CATSPERT: variants seen among roughly 807,000 people sequenced by gnomAD.
The protein encoded by CATSPERT is cation channel sperm-associated targeting subunit tau.
chr2:201,507,634 C>G, the CATSPERT span, among the ~76,000 whole-genome samples: 1 of 152,126 alleles, frequency 6.6e-6, no homozygotes, highest in Non-Finnish European at 1.5e-5. Context: ...AATACTGAAA[C>G]AGCTCATGTA....
At chr2:201,582,247 C>G in the CATSPERT span, 22 of 1,562,752 alleles carry the variant, frequency 1.4e-5, no homozygotes, top group Non-Finnish European at 1.9e-5. Flanking sequence ...AGAAAAGAAG[C>G]ATTAAATTTG....
chr2:201,617,625 T>G, the CATSPERT span, among the ~76,000 whole-genome samples: 1 of 152,144 alleles, frequency 6.6e-6, no homozygotes, highest in Non-Finnish European at 1.5e-5. Flanking sequence ...ACCTAGCCAA[T>G]ACCATTCAGG....
chr2:201,506,016 C>T, the CATSPERT span, among the ~76,000 whole-genome samples: 3 of 152,124 alleles, frequency 2.0e-5, no homozygotes, highest in South Asian at 2.1e-4. Context: ...ACCTGTAATC[C>T]GAGCACTTTG....
At chr2:201,513,765 A>G in the CATSPERT span, among the ~76,000 whole-genome samples, 1 of 152,220 alleles carries the variant, frequency 6.6e-6, no homozygotes. Context: ...AAATGAAATC[A>G]TGTCCTTTGC....
the CATSPERT span, among the ~76,000 whole-genome samples, chr2:201,552,054 G>A: frequency 3.3e-5 from 5 of 151,078 alleles, no homozygotes; most frequent in East Asian, 1.9e-4. Context: ...GCAGTGGTGC[G>A]ATCTCGGCCC....
At chr2:201,545,616 A>G in the CATSPERT span, 1 of 751,042 alleles carries the variant, frequency 1.3e-6, no homozygotes, top group Non-Finnish European at 1.9e-6. Flanking sequence ...CATCTATATT[A>G]GTTTCCTAGA....
chr2:201,528,265 A>C, the CATSPERT span, among the ~76,000 whole-genome samples: 1 of 152,162 alleles, frequency 6.6e-6, no homozygotes, highest in Non-Finnish European at 1.5e-5. Flanking sequence ...AAAACAATAG[A>C]TGCTGGTGAG....
chr2:201,524,569 C>T, the CATSPERT span, among the ~76,000 whole-genome samples: 23 of 152,252 alleles, frequency 1.5e-4, no homozygotes, highest in Non-Finnish European at 2.8e-4. Flanking sequence ...ACAATCAAGT[C>T]TACACAACAA....
the CATSPERT span, chr2:201,574,241 A>T: frequency 6.2e-7 from 1 of 1,606,006 alleles, no homozygotes; most frequent in Non-Finnish European, 8.5e-7. Context: ...AAGTTTCCAT[A>T]GGAGAACATA....
the CATSPERT span, among the ~76,000 whole-genome samples, chr2:201,501,710 G>T: frequency 6.6e-6 from 1 of 151,928 alleles, no homozygotes; most frequent in African/African-American, 2.4e-5. Context: ...ATGGAAGTGG[G>T]ATATTATTAC....
At chr2:201,492,439 G>A in the CATSPERT span, 1 of 1,532,736 alleles carries the variant, frequency 6.5e-7, no homozygotes, top group Non-Finnish European at 8.7e-7. Flanking sequence ...GTTTTGTAGA[G>A]ATTTACTTAA....
the CATSPERT span, among the ~76,000 whole-genome samples, chr2:201,585,497 A>G: frequency 1.7e-3 from 265 of 152,218 alleles, 1 homozygote; most frequent in African/African-American, 5.9e-3. Context: ...TAGTTCTGAC[A>G]GAAGGTAACT....
chr2:201,487,939 G>C, the CATSPERT span: 2 of 1,503,150 alleles, frequency 1.3e-6, no homozygotes, highest in Admixed American at 2.2e-5. Context: ...TGGTAAATTA[G>C]GTTTCTTAAA....
chr2:201,582,260 C>A, the CATSPERT span: 7 of 1,546,268 alleles, frequency 4.5e-6, no homozygotes, highest in Non-Finnish European at 6.1e-6. Flanking sequence ...TAAATTTGAG[C>A]CTAAATATTT....
At chr2:201,556,685 G>C in the CATSPERT span, among the ~76,000 whole-genome samples, 7 of 151,760 alleles carry the variant, frequency 4.6e-5, no homozygotes, top group African/African-American at 1.7e-4. Context: ...AAATTAGCAG[G>C]GTATGGTGGT....
At chr2:201,516,952 T>C in the CATSPERT span, among the ~76,000 whole-genome samples, 1 of 148,420 alleles carries the variant, frequency 6.7e-6, no homozygotes, top group South Asian at 2.1e-4. Flanking sequence ...TTTTTCTATT[T>C]CACCTCATGT....
chr2:201,599,274 C>A, the CATSPERT span, among the ~76,000 whole-genome samples: 1 of 152,160 alleles, frequency 6.6e-6, no homozygotes, highest in South Asian at 2.1e-4. Context: ...ATTTCCATTC[C>A]TCAGAAGCTG....
the CATSPERT span, among the ~76,000 whole-genome samples, chr2:201,603,984 T>C: frequency 6.6e-6 from 1 of 152,188 alleles, no homozygotes; most frequent in African/African-American, 2.4e-5. Context: ...TCTAATAGTG[T>C]TCAGAAAATA....
the CATSPERT span, among the ~76,000 whole-genome samples, chr2:201,610,318 C>T: frequency 2.4e-4 from 36 of 152,024 alleles, no homozygotes; most frequent in African/African-American, 7.5e-4. Flanking sequence ...ATTAGCCGGG[C>T]GTGGTGGCGG....
Sources: allele counts gnomAD v4.1 joint callset (sites outside exome capture counted in the v4.1 genomes callset), GRCh38; gene constraint gnomAD v4.1.1; transcripts MANE v1.5; gene names NCBI Gene and HGNC (gene_info 2026-07-23, HGNC 2026-07-21).